Variants in FHOD3 observed in about 807,000 individuals in gnomAD.
FHOD3 encodes the protein FH1/FH2 domain-containing protein 3.
FHOD3 carries 90 observed loss-of-function variants against 173.0 expected under a neutral mutation model. That is an observed-to-expected ratio of 0.52 (90% CI 0.44 to 0.62). The LOEUF is 0.62. Ranked by LOEUF, FHOD3 falls within the 20% of genes least tolerant of loss-of-function variation. The pLI is 0.00. For synonymous variants in FHOD3, 828 were observed against 823.0 expected, an observed-to-expected ratio of 1.01 and a Z score of -0.10; for missense variants, 1,945 against 2,034.7, an observed-to-expected ratio of 0.96 and a Z score of 0.85.
chr18:36,687,052 A>C, intron 15 of FHOD3, 76 bp from the exon 16 acceptor site: 1 of 1,105,974 alleles, frequency 9.0e-7, no homozygotes, highest in Non-Finnish European at 1.3e-6. Context: ...ACTGTTTATA[A>C]TTTATTGGTA....
intron 3 of FHOD3, among the ~76,000 whole-genome samples, chr18:36,414,841 C>A (rs575187449): frequency 6.6e-6 from 1 of 152,306 alleles, no homozygotes; most frequent in Non-Finnish European, 1.5e-5. Context: ...CAGATTGAAG[C>A]TGTCAAGAGA....
At chr18:36,471,275 C>T (rs2053268637) in intron 3 of FHOD3, among the ~76,000 whole-genome samples, 1 of 152,152 alleles carries the variant, frequency 6.6e-6, no homozygotes, top group African/African-American at 2.4e-5. Context: ...CTCTGAGGTG[C>T]AGTCTCTCCC....
At chr18:36,765,930 C>T (rs977342003) in intron 27 of FHOD3, among the ~76,000 whole-genome samples, 3 of 151,892 alleles carry the variant, frequency 2.0e-5, no homozygotes, top group African/African-American at 7.3e-5. Context: ...GAAGAGATGG[C>T]TGAGAATTTA....
chr18:36,771,594 C>A (rs2043383409), intron 28 of FHOD3, among the ~76,000 whole-genome samples: 1 of 152,206 alleles, frequency 6.6e-6, no homozygotes, highest in African/African-American at 2.4e-5. Flanking sequence ...AGTTTATCTT[C>A]AGTAGTTGCC....
intron 16 of FHOD3, among the ~76,000 whole-genome samples, chr18:36,690,167 T>A (rs2038871274): frequency 6.6e-6 from 1 of 152,200 alleles, no homozygotes; most frequent in South Asian, 2.1e-4. Flanking sequence ...GGATTTTTCC[T>A]TGTTTATTAT....
At chr18:36,306,411 G>T (rs2092099184) in intron 1 of FHOD3, among the ~76,000 whole-genome samples, 1 of 152,200 alleles carries the variant, frequency 6.6e-6, no homozygotes, top group Non-Finnish European at 1.5e-5. Context: ...CTGGTGGGGT[G>T]GAGGCTTCCT....
At chr18:36,721,636 G>C (rs903513747) in intron 19 of FHOD3, among the ~76,000 whole-genome samples, 1 of 152,274 alleles carries the variant, frequency 6.6e-6, no homozygotes, top group African/African-American at 2.4e-5. Flanking sequence ...GACAGAGCAA[G>C]ACTCTGTCTC....
chr18:36,593,516 C>T (rs2029863026), intron 6 of FHOD3, among the ~76,000 whole-genome samples: 1 of 152,144 alleles, frequency 6.6e-6, no homozygotes, highest in Non-Finnish European at 1.5e-5. Context: ...GTGGACTGCA[C>T]AACACAGTCC....
chr18:36,412,103 A>C (rs774909211), intron 3 of FHOD3, among the ~76,000 whole-genome samples: 2 of 152,102 alleles, frequency 1.3e-5, no homozygotes, highest in South Asian at 4.1e-4. Context: ...CCCCCATCCC[A>C]CGCAGGCAGG....
chr18:36,367,173 A>G (rs2046939721), intron 2 of FHOD3, among the ~76,000 whole-genome samples: 1 of 152,238 alleles, frequency 6.6e-6, no homozygotes, highest in Non-Finnish European at 1.5e-5. Context: ...AAGTCTGTGT[A>G]TTCTGAGAAG....
chr18:36,778,334 C>A (rs1356327794), intron 28 of FHOD3: 1 of 152,216 alleles, frequency 6.6e-6, no homozygotes, highest in Non-Finnish European at 1.5e-5. Context: ...CTGGTCATCT[C>A]AGGAACTCTG....
intron 3 of FHOD3, among the ~76,000 whole-genome samples, chr18:36,465,845 A>C (rs1220952585): frequency 1.3e-5 from 2 of 152,026 alleles, no homozygotes; most frequent in Middle Eastern, 3.2e-3. Flanking sequence ...TCTCTAATCT[A>C]AATCCTTCTA....
intron 6 of FHOD3, among the ~76,000 whole-genome samples, chr18:36,576,787 G>A (rs565416614): frequency 2.6e-5 from 4 of 152,048 alleles, no homozygotes; most frequent in East Asian, 3.9e-4. Flanking sequence ...TGGAACCTTC[G>A]GTTTTTAATA....
At chr18:36,534,815 T>G (rs2056928589) in intron 5 of FHOD3, among the ~76,000 whole-genome samples, 1 of 152,200 alleles carries the variant, frequency 6.6e-6, no homozygotes, top group Non-Finnish European at 1.5e-5. Context: ...AAAGAGAAGC[T>G]TGTTTTCCTG....
rs934788300 is a variant in FHOD3 at position 36,755,407 on chromosome 18, T to C, written c.4425+96T>C. 6.6e-5 allele frequency: 27 copies of C among 411,154 alleles called. No homozygotes were observed. In the African/African-American group the frequency reaches 1.3e-3, roughly 21 times the overall value. 25.5% of individuals were successfully genotyped at this position (411,154 alleles called of 1,614,324 possible). A position where few individuals can be genotyped will look rare whatever the true frequency, so the allele number is the denominator to read the frequency against. On this transcript the variant is annotated intron_variant, in intron 25 of 28. Transcript: ENST00000590592. Reference sequence around the variant, plus strand: ...CAGTTAAAAGCTGTGCTTTTTTTTTTTTTTTTTTTTTTTTTTTTGACTATA... The same window carrying C: ...CAGTTAAAAGCTGTGCTTTTTTTTTCTTTTTTTTTTTTTTTTTTGACTATA...
chr18:36,643,085 A>G (rs1397237650), intron 10 of FHOD3, among the ~76,000 whole-genome samples: 2 of 152,028 alleles, frequency 1.3e-5, no homozygotes, highest in African/African-American at 4.8e-5. Flanking sequence ...GAAGCTGGCA[A>G]TATGGATTTT....
chr18:36,346,040 C>G lies in FHOD3; in HGVS notation c.166-9499C>G, dbSNP rs192276761. ...CCCCCTGAATCTATTTCTTTATTCA[C>G]CACCATTTTTAGACATAACACGTTA... On this transcript the variant is annotated intron_variant, in intron 1 of 28. Transcript: ENST00000590592. 8.8e-4 allele frequency among the ~76,000 whole-genome samples: 134 copies of G among 152,278 alleles called. 1 individual carries two copies. The highest frequency in any genetic ancestry group is 3.1e-3 in the African/African-American group (127 of 41,568).
rs989335841 is a variant in FHOD3, at chr18:36,530,778, C to T, written c.511+18235C>T. ...TTATTCATAATGTTCTCATAACATA[C>T]TGTGTATTTTCCAGCCCGGGTTAGA... On this transcript the variant is annotated intron_variant, in intron 5 of 28. Coordinates refer to ENST00000590592, the MANE Select transcript of FHOD3 (RefSeq NM_001281740.3). Among the ~76,000 whole-genome samples, 2 of 152,178 alleles carry T rather than the reference C, an allele frequency of 1.3e-5. 1 individual carries two copies. The highest frequency in any genetic ancestry group is 2.9e-5 in the Non-Finnish European group (2 of 68,028).
intron 5 of FHOD3, among the ~76,000 whole-genome samples, chr18:36,538,347 T>C (rs1285359144): frequency 2.6e-5 from 4 of 152,138 alleles, no homozygotes; most frequent in African/African-American, 9.7e-5. Flanking sequence ...ATCACTGACA[T>C]TGAAAACAAT....
Sources: gnomAD v4.1 joint callset for allele counts (sites outside exome capture counted in the v4.1 genomes callset) on GRCh38, gnomAD v4.1.1 for gene constraint, MANE v1.5 for transcripts, NCBI Gene and HGNC (gene_info 2026-07-23, HGNC 2026-07-21) for gene names.